The following RCBTB1 variants were observed in gnomAD, a reference collection of about 807,000 sequenced individuals.
The protein encoded by RCBTB1 is RCC1 and BTB domain containing protein 1.
RCBTB1 carries 46 observed loss-of-function variants against 62.4 expected under a neutral mutation model. The observed-to-expected ratio is 0.74, with a 90% CI of 0.58 to 0.94. RCBTB1 has a LOEUF of 0.94. Ranked by LOEUF, RCBTB1 falls within the 40% of genes least tolerant of loss-of-function variation. The pLI is 0.00. For missense variants in RCBTB1, 565 were observed against 654.9 expected (o/e 0.86, Z 1.50); for synonymous variants, 222 against 245.8 (o/e 0.90, Z 0.91).
intron 8 of RCBTB1, chr13:49,550,430 C>A: frequency 1.0e-6 from 1 of 984,490 alleles, no homozygotes; most frequent in African/African-American, 1.7e-5. Context: ...CAGTAGTATG[C>A]TTCTTGGGTA....
chr13:49,548,545 G>C (rs7996207), intron 9 of RCBTB1, among the ~76,000 whole-genome samples: 1 of 151,524 alleles, frequency 6.6e-6, no homozygotes, highest in Non-Finnish European at 1.5e-5. Context: ...TCAAAGGTGG[G>C]AACAACCCAC....
At position 49,549,085 on chromosome 13, in the gene RCBTB1, T is replaced by C. The variant is rs1417919911; in HGVS notation, c.1045+373A>G. ...AGGTGGAGGTTGCAGTGAGCCGAGA[T>C]TGCACCACTGCACTCCAGCCTGGGC... On this transcript the variant is annotated intron_variant, in intron 9 of 12. Transcript: ENST00000378302. Among the ~76,000 whole-genome samples the C allele has an allele frequency of 5.9e-5, 8 of 135,254 alleles. 1 individual carries two copies. Among genetic ancestry groups the C allele is most frequent in the Admixed American group, 5.6e-4 (8 of 14,236 alleles). 88.7% of individuals were successfully genotyped at this position (135,254 alleles called of 152,430 possible). A position where few individuals can be genotyped will look rare whatever the true frequency, so the allele number is the denominator to read the frequency against.
chr13:49,535,971 C>A (rs909518977), intron 12 of RCBTB1, among the ~76,000 whole-genome samples: 8 of 150,084 alleles, frequency 5.3e-5, no homozygotes, highest in African/African-American at 1.7e-4. Context: ...TGCAGTGAGC[C>A]GAGATCATGC....
intron 2 of RCBTB1, among the ~76,000 whole-genome samples, chr13:49,569,072 A>AT (rs1396269778): frequency 6.6e-6 from 1 of 152,170 alleles, no homozygotes; most frequent in East Asian, 1.9e-4. Context: ...AGAAAAAGAG[A>AT]TTTTAAGAAG....
intron 2 of RCBTB1, among the ~76,000 whole-genome samples, chr13:49,577,890 G>A (rs888365064): frequency 1.3e-5 from 2 of 152,162 alleles, no homozygotes; most frequent in Non-Finnish European, 1.5e-5. Context: ...TTGAATTAAA[G>A]CATTTACACA....
intron 4 of RCBTB1, among the ~76,000 whole-genome samples, chr13:49,562,164 G>A (rs531148923): frequency 2.0e-5 from 3 of 151,462 alleles, no homozygotes; most frequent in African/African-American, 7.3e-5. Context: ...AATAGAAGAC[G>A]CTGAATCCAT....
At chr13:49,551,079 G>T in intron 8 of RCBTB1, 1 of 462,526 alleles carries the variant, frequency 2.2e-6, no homozygotes, top group Non-Finnish European at 3.9e-6. Context: ...CTCCAGTCTG[G>T]GTGACAGAGA....
At chr13:49,550,797 T>C (rs929160586) in intron 8 of RCBTB1, among the ~76,000 whole-genome samples, 1 of 152,104 alleles carries the variant, frequency 6.6e-6, no homozygotes, top group Non-Finnish European at 1.5e-5. Flanking sequence ...TTCTGGCTAC[T>C]ACTCAAAACA....
chr13:49,577,534 T>C, intron 2 of RCBTB1, among the ~76,000 whole-genome samples: 1 of 4,522 alleles, frequency 2.2e-4, no homozygotes, highest in East Asian at 0.016. Flanking sequence ...TAAATTGCTG[T>C]TATGTACTGG....
At chr13:49,534,583 T>G (rs1008446608) in intron 12 of RCBTB1, among the ~76,000 whole-genome samples, 1 of 152,234 alleles carries the variant, frequency 6.6e-6, no homozygotes, top group Non-Finnish European at 1.5e-5. Context: ...AATCTAGTTA[T>G]GCTCAAAGAC....
chr13:49,571,678 A>C (rs768726779), intron 2 of RCBTB1, among the ~76,000 whole-genome samples: 4 of 152,178 alleles, frequency 2.6e-5, no homozygotes, highest in Non-Finnish European at 5.9e-5. Context: ...AGGCAGAACA[A>C]CAGAACAGGG....
chr13:49,574,904 C>T (rs1963667079), intron 2 of RCBTB1, among the ~76,000 whole-genome samples: 1 of 149,920 alleles, frequency 6.7e-6, no homozygotes, highest in East Asian at 2.0e-4. Flanking sequence ...ATATTATTCA[C>T]CCTTAGGAGG....
intron 4 of RCBTB1, among the ~76,000 whole-genome samples, chr13:49,560,619 T>TC (rs59094122): frequency 0.03 from 4,576 of 152,132 alleles, 265 homozygotes; most frequent in African/African-American, 0.1. Context: ...TGAATTTTTT[T>TC]TTTTTTTTAC....
intron 12 of RCBTB1, 105 bp downstream of exon 12, chr13:49,540,771 A>C: frequency 8.2e-7 from 1 of 1,225,876 alleles, no homozygotes; most frequent in South Asian, 1.6e-5. Context: ...TTCCCTAAAC[A>C]GAAGTGGAGT....
In RCBTB1 at chr13:49,559,621, A is replaced by G. The variant is rs555277661; in HGVS notation, c.444+297T>C. 1.2e-3 allele frequency among the ~76,000 whole-genome samples: 169 copies of G among 142,260 alleles called. 2 individuals carry two copies. The highest frequency in any genetic ancestry group is 3.9e-3 in the Middle Eastern group (1 of 256). The allele number at this position is 142,260 out of a possible 152,430, so 93.3% of individuals were successfully genotyped here. A position where few individuals can be genotyped will look rare whatever the true frequency, so the allele number is the denominator to read the frequency against. On this transcript the variant is annotated intron_variant, in intron 5 of 12. Coordinates refer to ENST00000378302, the MANE Select transcript of RCBTB1 (RefSeq NM_018191.4). Reference sequence around the variant, plus strand: ...CAGTGAGCAGAGATCGTGCCACTGTACTCCAGCCTGGGCGACAGAGCGAGA... The same window carrying G: ...CAGTGAGCAGAGATCGTGCCACTGTGCTCCAGCCTGGGCGACAGAGCGAGA...
At chr13:49,579,485 C>T (rs1963970207) in intron 2 of RCBTB1, among the ~76,000 whole-genome samples, 1 of 152,030 alleles carries the variant, frequency 6.6e-6, no homozygotes, top group Non-Finnish European at 1.5e-5. Context: ...TTAGCCGGGC[C>T]TGGTAGTGGG....
At chr13:49,545,388 A>G (rs1960710317) in intron 9 of RCBTB1, among the ~76,000 whole-genome samples, 1 of 152,158 alleles carries the variant, frequency 6.6e-6, no homozygotes, top group South Asian at 2.1e-4. Flanking sequence ...GAATCTAAAC[A>G]TCTCTGTTAA....
At chr13:49,546,856 TTAA>T in intron 9 of RCBTB1, 1 of 711,248 alleles carries the variant, frequency 1.4e-6, no homozygotes, top group African/African-American at 1.9e-5. Flanking sequence ...TGCAACCCAG[TTAA>T]TAACAGGCCA....
At chr13:49,540,039 C>A (rs1960227857) in intron 12 of RCBTB1, among the ~76,000 whole-genome samples, 1 of 152,174 alleles carries the variant, frequency 6.6e-6, no homozygotes, top group African/African-American at 2.4e-5. Context: ...TCTACATGCA[C>A]AACTTAGCTA....
Sources: gnomAD v4.1 joint callset for allele counts (sites outside exome capture counted in the v4.1 genomes callset) on GRCh38, gnomAD v4.1.1 for gene constraint, MANE v1.5 for transcripts, NCBI Gene and HGNC (gene_info 2026-07-23, HGNC 2026-07-21) for gene names.